KCNG2: variants seen among roughly 807,000 people sequenced by gnomAD.
KCNG2 encodes the protein voltage-gated potassium channel regulatory subunit KCNG2.
Under a neutral mutation model 12.3 loss-of-function variants are expected in KCNG2, and 7 were observed. The ratio of observed to expected loss-of-function variants is 0.57; its 90% CI spans 0.32 to 1.07. KCNG2 has a LOEUF of 1.07. Ranked by LOEUF, KCNG2 falls within the 50% of genes least tolerant of loss-of-function variation. The pLI is 0.04. For missense variants in KCNG2, 703 were observed against 726.0 expected (o/e 0.97, Z 0.36); for synonymous variants, 414 against 351.4 (o/e 1.18, Z -1.99).
chr18:79,887,899 T>C (rs1980589638), intron 3 of KCNG2, among the ~76,000 whole-genome samples: 2 of 152,138 alleles, frequency 1.3e-5, no homozygotes, highest in Admixed American at 6.5e-5. Flanking sequence ...TGGTCTGTGG[T>C]CAGAGAAGGC....
At chr18:79,845,394 G>A (rs1978589347) in intron 1 of KCNG2, among the ~76,000 whole-genome samples, 1 of 152,212 alleles carries the variant, frequency 6.6e-6, no homozygotes, top group East Asian at 1.9e-4. Context: ...GTTTTGGGGA[G>A]GCTACCACGG....
intron 1 of KCNG2, among the ~76,000 whole-genome samples, chr18:79,838,505 G>A (rs1978369272): frequency 6.6e-6 from 1 of 151,832 alleles, no homozygotes; most frequent in South Asian, 2.1e-4. Flanking sequence ...CGACCTCCTG[G>A]GCTCCAGCAG....
intron 1 of KCNG2, among the ~76,000 whole-genome samples, chr18:79,852,578 G>A (rs1371995701): frequency 6.6e-6 from 1 of 152,274 alleles, no homozygotes; most frequent in African/African-American, 2.4e-5. Context: ...TGAGGTGCCT[G>A]GGACCACTTG....
At chr18:79,867,316 C>T (rs1185934136) in intron 3 of KCNG2, among the ~76,000 whole-genome samples, 1 of 151,936 alleles carries the variant, frequency 6.6e-6, no homozygotes, top group Non-Finnish European at 1.5e-5. Flanking sequence ...AAGTGTGTGT[C>T]CTTGTGGGTC....
chr18:79,864,555 C>G (rs62103178), intron 3 of KCNG2, among the ~76,000 whole-genome samples: 16,106 of 152,288 alleles, frequency 0.11, 992 homozygotes, highest in Middle Eastern at 0.17. Flanking sequence ...GTTTCCGACG[C>G]AGCATCCGGT....
intron 1 of KCNG2, among the ~76,000 whole-genome samples, chr18:79,851,766 A>G (rs922135243): frequency 4.3e-5 from 1 of 23,026 alleles, no homozygotes; most frequent in East Asian, 0.028. Context: ...TGTGTGTGTG[A>G]CTGTGAATGC....
At position 79,890,471 on chromosome 18, in the gene KCNG2, C is replaced by T. The variant is rs116814177; in HGVS notation, c.625-8569C>T. Among the ~76,000 whole-genome samples, 806 of 152,280 alleles carry T rather than the reference C, an allele frequency of 5.3e-3. 7 individuals carry two copies. The highest frequency in any genetic ancestry group is 0.019 in the African/African-American group (780 of 41,552). On this transcript the variant is annotated intron_variant, in intron 3 of 3. Coordinates refer to ENST00000316249, the MANE Select transcript of KCNG2 (RefSeq NM_012283.2). Reference sequence around the variant, plus strand: ...AGCACGTTTCCAGCCTTTGCCCCTTCCCCCTCCCCACTGGCAGTCTGCAGT... The same window carrying T: ...AGCACGTTTCCAGCCTTTGCCCCTTTCCCCTCCCCACTGGCAGTCTGCAGT...
At chr18:79,877,166 A>G (rs1980107515) in intron 3 of KCNG2, among the ~76,000 whole-genome samples, 1 of 152,152 alleles carries the variant, frequency 6.6e-6, no homozygotes, top group Non-Finnish European at 1.5e-5. Flanking sequence ...AAAAGAAAAA[A>G]CCTCAATTCA....
chr18:79,836,953 C>A (rs1161604424), intron 1 of KCNG2, among the ~76,000 whole-genome samples: 18 of 152,302 alleles, frequency 1.2e-4, no homozygotes, highest in Non-Finnish European at 1.8e-4. Context: ...ATCATGGCTT[C>A]CAAACAGTCC....
chr18:79,869,407 C>T (rs998105328), intron 3 of KCNG2, among the ~76,000 whole-genome samples: 6 of 152,162 alleles, frequency 3.9e-5, no homozygotes, highest in East Asian at 1.9e-4. Flanking sequence ...CCTGAGAACC[C>T]GGCTTTGTCA....
At chr18:79,801,824 C>T (rs1025452453) in intron 1 of KCNG2, among the ~76,000 whole-genome samples, 5 of 152,242 alleles carry the variant, frequency 3.3e-5, no homozygotes, top group Non-Finnish European at 7.3e-5. Context: ...CAGAGGGGCT[C>T]CTGTGCCCCC....
chr18:79,841,001 G>A lies in KCNG2; in HGVS notation c.-114-15378G>A, dbSNP rs561076843. Among the ~76,000 whole-genome samples, 20 of 152,328 alleles carry A rather than the reference G, an allele frequency of 1.3e-4. No individual in the cohort carries two copies. The South Asian group carries it at 4.1e-3, about 32-fold the overall frequency. ...TAACAAGAGAAGCCTGGTTGTGGTG[G>A]CTGATGCCAGTAATTCCAGCACTTC... is the stretch of plus-strand genomic sequence containing the variant. On this transcript the variant is annotated intron_variant, in intron 1 of 3. Coordinates refer to ENST00000316249, the MANE Select transcript of KCNG2 (RefSeq NM_012283.2).
At chr18:79,844,393 A>G (rs1039050660) in intron 1 of KCNG2, among the ~76,000 whole-genome samples, 1 of 152,066 alleles carries the variant, frequency 6.6e-6, no homozygotes, top group Non-Finnish European at 1.5e-5. Context: ...TTGCCAGGGG[A>G]TTGGGGGTGG....
chr18:79,831,709 TCC>T (rs1978297012), intron 1 of KCNG2, among the ~76,000 whole-genome samples: 1 of 58,672 alleles, frequency 1.7e-5, no homozygotes, highest in African/African-American at 6.5e-5. Flanking sequence ...TCAGGAGGGT[TCC>T]CTGCGGACAG....
At chr18:79,832,547 A>G (rs1025399655) in intron 1 of KCNG2, among the ~76,000 whole-genome samples, 8 of 151,664 alleles carry the variant, frequency 5.3e-5, no homozygotes, top group South Asian at 2.1e-4. Context: ...TCCCTCCTCT[A>G]TCTTCTCCCC....
chr18:79,837,035 T>C (rs2123033291), intron 1 of KCNG2, among the ~76,000 whole-genome samples: 1 of 152,062 alleles, frequency 6.6e-6, no homozygotes, highest in East Asian at 1.9e-4. Context: ...ATAAGACAAG[T>C]CCCTCCCACC....
At chr18:79,887,335 G>GAGGCCAC (rs923126615) in intron 3 of KCNG2, among the ~76,000 whole-genome samples, 2 of 152,060 alleles carry the variant, frequency 1.3e-5, no homozygotes, top group African/African-American at 4.8e-5. Context: ...CCCTGGGCCA[G>GAGGCCAC]AGGCCACGGG....
At chr18:79,847,867 A>G (rs1978677628) in intron 1 of KCNG2, among the ~76,000 whole-genome samples, 1 of 152,368 alleles carries the variant, frequency 6.6e-6, no homozygotes, top group South Asian at 2.1e-4. Context: ...TGCCCGAGGC[A>G]CTAAACTTGT....
chr18:79,846,807 G>A (rs996680055), intron 1 of KCNG2, among the ~76,000 whole-genome samples: 6 of 152,146 alleles, frequency 3.9e-5, no homozygotes, highest in African/African-American at 1.4e-4. Context: ...TTGTCGCATG[G>A]CCCTGTTTGT....
Sources: allele counts gnomAD v4.1 joint callset (sites outside exome capture counted in the v4.1 genomes callset), GRCh38; gene constraint gnomAD v4.1.1; transcripts MANE v1.5; gene names NCBI Gene and HGNC (gene_info 2026-07-23, HGNC 2026-07-21).